DELE1: variants seen among roughly 807,000 people sequenced by gnomAD.
DELE1 encodes the protein death ligand signal enhancer.
DELE1 carries 54 observed loss-of-function variants against 59.3 expected under a neutral mutation model. The observed-to-expected ratio is 0.91, with a 90% CI of 0.73 to 1.14. The LOEUF is 1.14. DELE1 is among the 50% of genes most tolerant of loss of function. The probability of loss-of-function intolerance (pLI) is 0.00; values close to 1 mark genes in which losing one functional copy is unlikely to be tolerated. For synonymous variants in DELE1, 264 were observed against 259.1 expected (o/e 1.02, Z -0.18); for missense variants, 636 against 643.9 (o/e 0.99, Z 0.13).
chr5:141,940,775 C>T lies in DELE1; in HGVS notation c.*2016C>T. On this transcript the variant is annotated 3_prime_UTR_variant, in exon 12 of 12. Transcript: ENST00000432126. ...TGTCTTTGTATTCCAGTGTCCCCAGCACTGAGTGCAAGGCCCCATGCAGGG... is the reference window on the plus strand; with the variant it reads ...TGTCTTTGTATTCCAGTGTCCCCAGTACTGAGTGCAAGGCCCCATGCAGGG... 1 of 982,480 alleles carries T rather than the reference C, an allele frequency of 1.0e-6. No homozygotes were observed. The highest frequency in any genetic ancestry group is 1.2e-6 in the Non-Finnish European group (1 of 827,278). 60.9% of individuals were successfully genotyped at this position (982,480 alleles called of 1,614,324 possible).
At position 141,933,382 on chromosome 5, in the gene DELE1, C is replaced by A; in HGVS notation, c.878C>A (p.Thr293Asn). Reference protein sequence around the residue: ...AGLCHEHGRGTPRDISKAVLY... With the variant: ...AGLCHEHGRGNPRDISKAVLY... ...TTGTGTCATGAGCATGGCAGAGGCA[C>A]CCCCAGGGACATTAGCAAGGTATTC... is the stretch of plus-strand genomic sequence containing the variant. The change falls in exon 8 of 12, where the codon ACC becomes AAC. Residue 293 changes from threonine to asparagine, a missense_variant. Thr to Asn is a moderately conservative substitution (Grantham distance 65). Coordinates refer to ENST00000432126, the MANE Select transcript of DELE1 (RefSeq NM_014773.5). The A allele has an allele frequency of 6.6e-7, 1 of 1,505,028 alleles. No homozygotes were observed. The highest frequency in any genetic ancestry group is 1.4e-5 in the African/African-American group (1 of 72,204). 93.2% of individuals were successfully genotyped at this position (1,505,028 alleles called of 1,614,324 possible). A position where few individuals can be genotyped will look rare whatever the true frequency, so the allele number is the denominator to read the frequency against.
intron 10 of DELE1, 129 bp from the exon 11 acceptor site, chr5:141,937,069 C>G: frequency 6.5e-7 from 1 of 1,534,218 alleles, no homozygotes; most frequent in Non-Finnish European, 8.8e-7. Flanking sequence ...ATGGGGCGGG[C>G]CAGGACTGGG....
intron 4 of DELE1, among the ~76,000 whole-genome samples, chr5:141,928,975 A>G (rs531565328): frequency 4.0e-5 from 6 of 149,620 alleles, no homozygotes; most frequent in African/African-American, 1.5e-4. Flanking sequence ...GCTATCAAAG[A>G]AAGTGCTAGG....
chr5:141,937,597 C>T (rs903878898), intron 11 of DELE1, among the ~76,000 whole-genome samples: 4 of 150,256 alleles, frequency 2.7e-5, no homozygotes, highest in African/African-American at 1.0e-4. Flanking sequence ...GGTGAAACCC[C>T]GTCTCTATTA....
At chr5:141,928,921 C>T (rs750368544) in intron 4 of DELE1, among the ~76,000 whole-genome samples, 8 of 150,468 alleles carry the variant, frequency 5.3e-5, no homozygotes, top group Non-Finnish European at 1.0e-4. Flanking sequence ...TTAGTTTAAG[C>T]ATTAGTTCTT....
intron 11 of DELE1, among the ~76,000 whole-genome samples, 186 bp from the exon 12 acceptor site, chr5:141,938,335 G>C (rs995366705): frequency 1.3e-5 from 2 of 152,166 alleles, no homozygotes; most frequent in East Asian, 1.9e-4. Flanking sequence ...TTTTGTAGGA[G>C]AGACAATATC....
chr5:141,941,717 A>G lies in DELE1; in HGVS notation c.*2958A>G, dbSNP rs781088686. 166 of 985,204 alleles carry G rather than the reference A, an allele frequency of 1.7e-4. No individual in the cohort carries two copies. The highest frequency in any genetic ancestry group is 2.0e-4 in the Non-Finnish European group (163 of 829,930). 61.0% of individuals were successfully genotyped at this position (985,204 alleles called of 1,614,324 possible). On this transcript the variant is annotated 3_prime_UTR_variant, in exon 12 of 12. Transcript: ENST00000432126. ...GATGCTGTTTTCAGGGAGTCCTGAC[A>G]CTATGATGGGAACAAGGCTATTTGG...
rs995824294 is a variant in DELE1 at position 141,930,013 on chromosome 5, A to G, written c.596A>G (p.His199Arg). ...GGTCCCGGTGATTTTGGCTTCCTGC[A>G]TGCCAGTAGTAGCATCGAGTCCGAG... ...EEGPGDFGFLHASSSIESEAK... is the reference protein window; with the variant it reads ...EEGPGDFGFLRASSSIESEAK... Residue 199 changes from histidine to arginine, a missense_variant, in exon 6 of 12, where the codon CAT becomes CGT. His to Arg is a conservative substitution (Grantham distance 29, BLOSUM62 0). Transcript: ENST00000432126. 4 of 1,614,190 alleles carry G rather than the reference A, an allele frequency of 2.5e-6. No homozygotes were observed. The highest frequency in any genetic ancestry group is 3.4e-6 in the Non-Finnish European group (4 of 1,180,036).
chr5:141,924,590 G>T lies in DELE1; in HGVS notation c.41G>T (p.Arg14Leu). Residue 14 changes from arginine (R) to leucine (L), a missense_variant, in exon 2 of 12, where the codon CGT becomes CTT. Transcript: ENST00000432126. The part of the protein sequence containing the change: ...LPGLLGRALP[R>L]TLGPSLWRVT... ...TGGTTGTTCTGTACAGCTCTTCCCC[G>T]TACACTGGGACCTAGCCTCTGGAGG... is the stretch of plus-strand genomic sequence containing the variant. 2 of 1,610,628 alleles carry T rather than the reference G, an allele frequency of 1.2e-6. No homozygotes were observed. The highest frequency in any genetic ancestry group is 1.1e-5 in the South Asian group (1 of 91,012).
Position 141,942,001 on chromosome 5 carries a change from C to T in DELE1, c.*3242C>T. ...CACACACACACGGTTTCCTGTGCTA[C>T]TTCTGGCACTTAGTAATTATTCAAT... is the stretch of plus-strand genomic sequence containing the variant. On this transcript the variant is annotated 3_prime_UTR_variant, in exon 12 of 12. Transcript: ENST00000432126. 1 of 985,410 alleles carries T rather than the reference C, an allele frequency of 1.0e-6. No homozygotes were observed. The highest frequency in any genetic ancestry group is 1.2e-6 in the Non-Finnish European group (1 of 829,926). The allele number at this position is 985,410 out of a possible 1,614,324, so 61.0% of individuals were successfully genotyped here.
intron 3 of DELE1, among the ~76,000 whole-genome samples, chr5:141,926,207 T>C (rs1751407828): frequency 6.6e-6 from 1 of 152,170 alleles, no homozygotes; most frequent in Non-Finnish European, 1.5e-5. Flanking sequence ...TGTAAAGTAT[T>C]ATACATGCAT....
At chr5:141,928,966 C>T (rs1357967983) in intron 4 of DELE1, among the ~76,000 whole-genome samples, 1 of 149,494 alleles carries the variant, frequency 6.7e-6, no homozygotes, top group African/African-American at 2.6e-5. Context: ...AGCAATATTG[C>T]TATCAAAGAA....
chr5:141,925,938 G>A (rs1026996836), intron 3 of DELE1, among the ~76,000 whole-genome samples: 4 of 151,832 alleles, frequency 2.6e-5, no homozygotes, highest in African/African-American at 9.7e-5. Context: ...GAAGTGCAGC[G>A]GCATGATCTT....
chr5:141,924,950 CAG>C (rs1470462502), intron 2 of DELE1, among the ~76,000 whole-genome samples: 1 of 146,978 alleles, frequency 6.8e-6, no homozygotes, highest in Admixed American at 6.8e-5. Flanking sequence ...TTTTTTGAGA[CAG>C]AGTCTCGCTC....
chr5:141,932,364 A>G (rs1374629146), intron 7 of DELE1, among the ~76,000 whole-genome samples: 1 of 152,178 alleles, frequency 6.6e-6, no homozygotes, highest in Non-Finnish European at 1.5e-5. Flanking sequence ...CAATTTCTTC[A>G]TGAAACAAGA....
In DELE1 at chr5:141,928,258, G is replaced by A. The variant is rs1207186699; in HGVS notation, c.372G>A (p.Leu124=). ...RVEHCSWHSP[L]DRFFSSPLWH... ...AACACTGCTCCTGGCACAGTCCCCT[G>A]GACCGTTTCTTCTCATCTCCCTTGT... Residue 124 remains leucine (L), a synonymous_variant, in exon 4 of 12, where the codon CTG becomes CTA. Transcript: ENST00000432126. 6.2e-7 allele frequency: 1 copy of A among 1,614,176 alleles called. No homozygotes were observed. Among genetic ancestry groups the A allele is most frequent in the East Asian group, 2.2e-5 (1 of 44,880 alleles).
intron 1 of DELE1, 108 bp downstream of exon 1, chr5:141,924,080 A>G: frequency 4.2e-6 from 6 of 1,428,702 alleles, no homozygotes; most frequent in Non-Finnish European, 5.8e-6. Context: ...GGTTAGAGCC[A>G]AGGAAGGCGG....
Position 141,941,684 on chromosome 5 carries a change from T to C in DELE1, c.*2925T>C, listed in dbSNP as rs112350116. 2.9e-5 allele frequency: 29 copies of C among 985,394 alleles called. 5 individuals carry two copies. In the African/African-American group the frequency reaches 4.5e-4, roughly 15 times the overall value. The allele number at this position is 985,394 out of a possible 1,614,324, so 61.0% of individuals were successfully genotyped here. ...GGAAGCTCTACTGCCTCAGTTTCCCTATCCGGAGATGCTGTTTTCAGGGAG... is the reference window on the plus strand; with the variant it reads ...GGAAGCTCTACTGCCTCAGTTTCCCCATCCGGAGATGCTGTTTTCAGGGAG... On this transcript the variant is annotated 3_prime_UTR_variant, in exon 12 of 12. Coordinates refer to ENST00000432126, the MANE Select transcript of DELE1 (RefSeq NM_014773.5).
rs1004119546 is a variant in DELE1 at position 141,941,688 on chromosome 5, C to T, written c.*2929C>T. On this transcript the variant is annotated 3_prime_UTR_variant, in exon 12 of 12. Coordinates refer to ENST00000432126, the MANE Select transcript of DELE1 (RefSeq NM_014773.5). Reference sequence around the variant, plus strand: ...GCTCTACTGCCTCAGTTTCCCTATCCGGAGATGCTGTTTTCAGGGAGTCCT... The same window carrying T: ...GCTCTACTGCCTCAGTTTCCCTATCTGGAGATGCTGTTTTCAGGGAGTCCT... 137 of 985,316 alleles carry T rather than the reference C, an allele frequency of 1.4e-4. No homozygotes were observed. The highest frequency in any genetic ancestry group is 8.5e-4 in the South Asian group (18 of 21,280). The allele number at this position is 985,316 out of a possible 1,614,324, so 61.0% of individuals were successfully genotyped here.
Sources: allele counts gnomAD v4.1 joint callset (sites outside exome capture counted in the v4.1 genomes callset), GRCh38; gene constraint gnomAD v4.1.1; transcripts MANE v1.5; gene names NCBI Gene and HGNC (gene_info 2026-07-23, HGNC 2026-07-21).